The following GRIK2 variants were observed in gnomAD, a reference collection of about 807,000 sequenced individuals.
GRIK2 encodes glutamate ionotropic receptor kainate type subunit 2.
GRIK2 carries 32 observed loss-of-function variants against 100.3 expected under a neutral mutation model. The observed-to-expected ratio is 0.32, with a 90% CI of 0.24 to 0.43. The LOEUF (loss-of-function observed/expected upper bound fraction) is 0.43. GRIK2 is among the 20% of genes least tolerant of loss of function. The pLI is 1.00. For synonymous variants in GRIK2, 417 were observed against 389.4 expected, an observed-to-expected ratio of 1.07 and a Z score of -0.83; for missense variants, 843 against 1,114.9, an observed-to-expected ratio of 0.76 and a Z score of 3.47.
intron 12 of GRIK2, among the ~76,000 whole-genome samples, chr6:101,912,278 A>G (rs1415342895): frequency 6.6e-6 from 1 of 151,522 alleles, no homozygotes; most frequent in African/African-American, 2.4e-5. Flanking sequence ...TCAGAGGAAG[A>G]GCAGAACCTT....
intron 7 of GRIK2, among the ~76,000 whole-genome samples, chr6:101,799,047 T>C (rs913271843): frequency 2.6e-5 from 4 of 152,056 alleles, no homozygotes; most frequent in African/African-American, 9.7e-5. Flanking sequence ...CTATTGAGAT[T>C]CAAAACTACC....
intron 2 of GRIK2, among the ~76,000 whole-genome samples, chr6:101,544,857 A>G (rs969292722): frequency 6.6e-6 from 1 of 152,202 alleles, no homozygotes; most frequent in Non-Finnish European, 1.5e-5. Context: ...GGTCTTCTCA[A>G]TGTTACAATC....
At chr6:101,675,142 G>C (rs1438395339) in intron 4 of GRIK2, among the ~76,000 whole-genome samples, 1 of 151,774 alleles carries the variant, frequency 6.6e-6, no homozygotes, top group Non-Finnish European at 1.5e-5. Context: ...TTGTAACTTT[G>C]TACCCACTGA....
intron 4 of GRIK2, among the ~76,000 whole-genome samples, chr6:101,669,029 A>G (rs1009753973): frequency 6.6e-6 from 1 of 152,218 alleles, no homozygotes; most frequent in Non-Finnish European, 1.5e-5. Context: ...CTGTACTCTT[A>G]GTGAAGGAAT....
At chr6:101,888,031 G>C (rs1786776884) in intron 11 of GRIK2, among the ~76,000 whole-genome samples, 1 of 152,068 alleles carries the variant, frequency 6.6e-6, no homozygotes, top group Non-Finnish European at 1.5e-5. Flanking sequence ...CCTTCCTGCA[G>C]AAAATACTCC....
At chr6:101,421,404 AG>A (rs1298743468) in intron 2 of GRIK2, among the ~76,000 whole-genome samples, 3 of 152,128 alleles carry the variant, frequency 2.0e-5, no homozygotes, top group Non-Finnish European at 4.4e-5. Context: ...GGTCATTGGG[AG>A]GTCAGTGGGA....
rs149036563 is a variant in GRIK2 at position 101,846,147 on chromosome 6, A to G, written c.1318-13140A>G. ...GTTTGACAATGTCCTTTCATACACAAAAGTTTTCACTTATGATAATGTCCA... is the reference window on the plus strand; with the variant it reads ...GTTTGACAATGTCCTTTCATACACAGAAGTTTTCACTTATGATAATGTCCA... On this transcript the variant is annotated intron_variant, in intron 10 of 16. Coordinates refer to ENST00000369134, the MANE Select transcript of GRIK2 (RefSeq NM_021956.5). Among the ~76,000 whole-genome samples, 430 of 152,172 alleles carry G rather than the reference A, an allele frequency of 2.8e-3. 1 individual carries two copies. In the Middle Eastern group the frequency reaches 0.037, roughly 13 times the overall value.
At chr6:101,773,109 G>A (rs1268131381) in intron 7 of GRIK2, among the ~76,000 whole-genome samples, 2 of 152,110 alleles carry the variant, frequency 1.3e-5, no homozygotes, top group Non-Finnish European at 2.9e-5. Context: ...AGCAAGCAGA[G>A]GCATTTCCTC....
intron 11 of GRIK2, among the ~76,000 whole-genome samples, chr6:101,886,206 T>G (rs1786601509): frequency 1.3e-5 from 2 of 152,092 alleles, no homozygotes; most frequent in African/African-American, 4.8e-5. Context: ...CCCTCTAAAT[T>G]CTCTGGTGTC....
chr6:101,503,161 A>C (rs893326646), intron 2 of GRIK2, among the ~76,000 whole-genome samples: 9 of 152,296 alleles, frequency 5.9e-5, no homozygotes, highest in Admixed American at 5.2e-4. Context: ...CAGAGAAGTC[A>C]AATACCTTAA....
intron 2 of GRIK2, among the ~76,000 whole-genome samples, chr6:101,537,447 T>TGTGC (rs1554216539): frequency 8.4e-5 from 6 of 71,046 alleles, no homozygotes; most frequent in Non-Finnish European, 1.6e-4. Flanking sequence ...TGTGTTTGTG[T>TGTGC]GTGTGTGCGT....
intron 9 of GRIK2, among the ~76,000 whole-genome samples, chr6:101,809,773 T>C (rs961660692): frequency 6.6e-6 from 1 of 152,098 alleles, no homozygotes; most frequent in Admixed American, 6.6e-5. Flanking sequence ...TCTTTGGAGA[T>C]GTTAGCCATT....
intron 4 of GRIK2, among the ~76,000 whole-genome samples, chr6:101,656,468 G>T (rs1464911210): frequency 6.6e-6 from 1 of 152,056 alleles, no homozygotes; most frequent in Non-Finnish European, 1.5e-5. Flanking sequence ...TACAAGGCTA[G>T]ACTTTTCATT....
intron 7 of GRIK2, chr6:101,744,773 G>T (rs1776323985): frequency 6.6e-6 from 1 of 151,164 alleles, no homozygotes. Context: ...TAGAGATGGG[G>T]TTTCTCTATG....
At chr6:101,551,786 G>A (rs920644886) in intron 2 of GRIK2, among the ~76,000 whole-genome samples, 3 of 152,020 alleles carry the variant, frequency 2.0e-5, no homozygotes, top group East Asian at 1.9e-4. Flanking sequence ...CACTTTGCTC[G>A]TTTTCATTCT....
chr6:101,604,541 C>A (rs1779361183), intron 2 of GRIK2, among the ~76,000 whole-genome samples: 1 of 151,766 alleles, frequency 6.6e-6, no homozygotes, highest in Admixed American at 6.6e-5. Context: ...TAAATACAGC[C>A]TTTGAGAAGA....
chr6:101,970,579 G>A (rs1039578808), intron 14 of GRIK2, among the ~76,000 whole-genome samples: 2 of 151,606 alleles, frequency 1.3e-5, no homozygotes, highest in Non-Finnish European at 2.9e-5. Flanking sequence ...TCAGGTCATT[G>A]TCATGTTCTT....
rs190730584 is a variant in GRIK2, at chr6:101,522,969, A to G, written c.116-98980A>G. Among the ~76,000 whole-genome samples, 381 of 151,600 alleles carry G rather than the reference A, an allele frequency of 2.5e-3. 1 individual carries two copies. The highest frequency in any genetic ancestry group is 6.9e-3 in the Middle Eastern group (2 of 288). On this transcript the variant is annotated intron_variant, in intron 2 of 16. Coordinates refer to ENST00000369134, the MANE Select transcript of GRIK2 (RefSeq NM_021956.5). ...TAAATTAATGAACTAATGAGTTTCT[A>G]TGGCTTGCAATCTTCCAGTTAGAGT...
At chr6:101,777,041 G>A (rs1433854103) in intron 7 of GRIK2, among the ~76,000 whole-genome samples, 2 of 152,186 alleles carry the variant, frequency 1.3e-5, no homozygotes, top group African/African-American at 2.4e-5. Context: ...CAGGAATTGT[G>A]CGAACTGCTT....
Sources: gnomAD v4.1 joint callset for allele counts (sites outside exome capture counted in the v4.1 genomes callset) on GRCh38, gnomAD v4.1.1 for gene constraint, MANE v1.5 for transcripts, NCBI Gene and HGNC (gene_info 2026-07-23, HGNC 2026-07-21) for gene names.